The following B4GALT5 variants were observed in gnomAD, a reference collection of about 807,000 sequenced individuals.
B4GALT5 encodes UDP-Gal:beta-GlcNAc beta-1,4-galactosyltransferase 5.
A neutral mutation model predicts 45.0 loss-of-function variants in B4GALT5; 11 were observed. The ratio of observed to expected loss-of-function variants is 0.24; its 90% CI spans 0.15 to 0.40. The LOEUF (loss-of-function observed/expected upper bound fraction) is 0.40. B4GALT5 is among the 10% of genes least tolerant of loss of function. B4GALT5 has a pLI of 1.00. For synonymous variants in B4GALT5, 185 were observed against 182.9 expected, an observed-to-expected ratio of 1.01 and a Z score of -0.09; for missense variants, 337 against 500.2, an observed-to-expected ratio of 0.67 and a Z score of 3.11.
rs1311870554 is a variant in B4GALT5 at position 49,656,616 on chromosome 20, C to T, written c.202G>A (p.Val68Met). The change falls in exon 2 of 9, where the codon GTG becomes ATG. Residue 68 changes from valine (V) to methionine (M), a missense_variant. Val to Met is a conservative substitution (Grantham distance 21, BLOSUM62 1). Coordinates refer to ENST00000371711, the MANE Select transcript of B4GALT5 (RefSeq NM_004776.4). ...CTCTTGGCATAAGCACTCCGAAGCA[C>T]CTGCTCATAAACCTGAGCACCGATT... ...RTIGAQVYEQ[V>M]LRSAYAKRNS... 6.8e-6 allele frequency: 11 copies of T among 1,614,158 alleles called. No homozygotes were observed. Among genetic ancestry groups the T allele is most frequent in the Non-Finnish European group, 8.5e-6 (10 of 1,180,028 alleles).
chr20:49,640,332 G>A (rs1316174120), intron 6 of B4GALT5, 146 bp downstream of exon 6: 2 of 667,316 alleles, frequency 3.0e-6, no homozygotes, highest in Non-Finnish European at 4.7e-6. Context: ...CTGCCAAACA[G>A]TGCTCCAATT....
At position 49,641,870 on chromosome 20, in the gene B4GALT5, G is replaced by A. The variant is rs76117588; in HGVS notation, c.606+598C>T. ...TAATGTAAACATATAAAGTAGGCCC[G>A]GCAAGAGAAAACCACAGTAGGACAG... On this transcript the variant is annotated intron_variant, in intron 5 of 8. Coordinates refer to ENST00000371711, the MANE Select transcript of B4GALT5 (RefSeq NM_004776.4). 3.8e-3 allele frequency among the ~76,000 whole-genome samples: 585 copies of A among 152,092 alleles called. 1 individual carries two copies. Among genetic ancestry groups the A allele is most frequent in the Middle Eastern group, 0.01 (3 of 294 alleles).
intron 1 of B4GALT5, among the ~76,000 whole-genome samples, chr20:49,694,559 CCCAG>C (rs2085829831): frequency 6.6e-6 from 1 of 151,650 alleles, no homozygotes; most frequent in East Asian, 1.9e-4. Context: ...ATCACTTGGG[CCCAG>C]GAGGTAAAGG....
chr20:49,684,224 T>C (rs982901129), intron 1 of B4GALT5, among the ~76,000 whole-genome samples: 2 of 151,800 alleles, frequency 1.3e-5, no homozygotes, highest in Non-Finnish European at 2.9e-5. Context: ...GGGAGTCTTG[T>C]ATATGGTGAG....
chr20:49,646,191 A>G (rs1220827911), intron 3 of B4GALT5, among the ~76,000 whole-genome samples: 2 of 152,206 alleles, frequency 1.3e-5, no homozygotes, highest in South Asian at 2.1e-4. Context: ...GTAGAAAGGT[A>G]TAATAGTAAG....
At chr20:49,653,625 T>C (rs1247819072) in intron 2 of B4GALT5, among the ~76,000 whole-genome samples, 1 of 152,198 alleles carries the variant, frequency 6.6e-6, no homozygotes, top group East Asian at 1.9e-4. Context: ...CTTTTATCCC[T>C]ACAATGGGGA....
At position 49,639,690 on chromosome 20, in the gene B4GALT5, T is replaced by TCGTC; in HGVS notation, c.901_904dup (p.Asp302GlyfsTer20). On this transcript the variant is annotated frameshift_variant, in exon 7 of 9. Transcript: ENST00000371711. LOFTEE classifies it high-confidence loss of function. Reference sequence around the variant, plus strand: ...ACGGCAGAGGTACCTGTTCCAGAGGTCGTCATCTTCTCCACCCCAACCCCA... The same window carrying TCGTC: ...ACGGCAGAGGTACCTGTTCCAGAGGTCGTCCGTCATCTTCTCCACCCCAACCCCA... 2 of 1,613,438 alleles carry TCGTC rather than the reference T, an allele frequency of 1.2e-6. No individual in the cohort carries two copies. Among genetic ancestry groups the TCGTC allele is most frequent in the Non-Finnish European group, 1.7e-6 (2 of 1,179,572 alleles).
At position 49,635,452 on chromosome 20, in the gene B4GALT5, A is replaced by C. The variant is rs535684504; in HGVS notation, c.*860T>G. 6.9e-6 allele frequency: 1 copy of C among 145,156 alleles called. No homozygotes were observed. Among genetic ancestry groups the C allele is most frequent in the East Asian group, 2.0e-4 (1 of 4,942 alleles). The allele number at this position is 145,156 out of a possible 1,614,324, so 9.0% of individuals were successfully genotyped here. A position where few individuals can be genotyped will look rare whatever the true frequency, so the allele number is the denominator to read the frequency against. ...CAAGGGCAAGACTCGTGGGGGGGGG[A>C]AGAAAGGGACAGAAGCCAGCTCCCA... On this transcript the variant is annotated 3_prime_UTR_variant, in exon 9 of 9. Transcript: ENST00000371711.
At chr20:49,683,129 C>A (rs888181292) in intron 1 of B4GALT5, among the ~76,000 whole-genome samples, 4 of 151,664 alleles carry the variant, frequency 2.6e-5, no homozygotes, top group African/African-American at 9.7e-5. Context: ...CATAGAAGGA[C>A]GACATATGCT....
At chr20:49,689,572 T>C (rs1052482475) in intron 1 of B4GALT5, among the ~76,000 whole-genome samples, 1 of 152,256 alleles carries the variant, frequency 6.6e-6, no homozygotes, top group South Asian at 2.1e-4. Context: ...GATTCCACTA[T>C]TAACTTGCTT....
At chr20:49,699,927 G>T (rs4810980) in intron 1 of B4GALT5, among the ~76,000 whole-genome samples, 77,097 of 151,946 alleles carry the variant, frequency 0.51, 19,852 homozygotes, top group South Asian at 0.65. Flanking sequence ...TCCTCTGCCC[G>T]GTAAGTATAT....
At chr20:49,712,035 A>G (rs1483665273) in intron 1 of B4GALT5, among the ~76,000 whole-genome samples, 1 of 152,004 alleles carries the variant, frequency 6.6e-6, no homozygotes, top group Non-Finnish European at 1.5e-5. Context: ...CCCTGCCCCT[A>G]CCCCAGCAGC....
chr20:49,649,883 T>C (rs768816289), intron 2 of B4GALT5, among the ~76,000 whole-genome samples: 1 of 152,202 alleles, frequency 6.6e-6, no homozygotes, highest in Non-Finnish European at 1.5e-5. Flanking sequence ...GAAACATGTA[T>C]TGGCACAGTC....
At chr20:49,689,374 T>C (rs1262441621) in intron 1 of B4GALT5, among the ~76,000 whole-genome samples, 1 of 152,240 alleles carries the variant, frequency 6.6e-6, no homozygotes, top group East Asian at 1.9e-4. Context: ...AGTGGTGTGA[T>C]TCAATGGATC....
chr20:49,677,059 T>C (rs558890339), intron 1 of B4GALT5, among the ~76,000 whole-genome samples: 1 of 152,276 alleles, frequency 6.6e-6, no homozygotes, highest in East Asian at 1.9e-4. Context: ...TTTGCTGACT[T>C]CTTTGTTCTA....
intron 2 of B4GALT5, among the ~76,000 whole-genome samples, chr20:49,654,035 A>T (rs931980471): frequency 3.9e-5 from 6 of 152,328 alleles, no homozygotes; most frequent in African/African-American, 7.2e-5. Flanking sequence ...AAATGCCCAG[A>T]GAGACAGATA....
At chr20:49,713,344 G>A (rs1331464736) in intron 1 of B4GALT5, among the ~76,000 whole-genome samples, 1 of 151,878 alleles carries the variant, frequency 6.6e-6, no homozygotes, top group African/African-American at 2.4e-5. Context: ...GTGGCGTTAG[G>A]AGGGGCGGGG....
intron 1 of B4GALT5, among the ~76,000 whole-genome samples, chr20:49,686,701 G>A (rs1489332380): frequency 5.2e-5 from 6 of 115,174 alleles, no homozygotes; most frequent in Non-Finnish European, 8.2e-5. Flanking sequence ...TGTTGCATAG[G>A]CAACATAGCA....
At chr20:49,649,149 C>T (rs1032341730) in intron 2 of B4GALT5, among the ~76,000 whole-genome samples, 2 of 152,120 alleles carry the variant, frequency 1.3e-5, no homozygotes, top group African/African-American at 2.4e-5. Context: ...CAAAATTCAA[C>T]GAGAGGCAAC....
Sources: allele counts gnomAD v4.1 joint callset (sites outside exome capture counted in the v4.1 genomes callset), GRCh38; gene constraint gnomAD v4.1.1; transcripts MANE v1.5; gene names NCBI Gene and HGNC (gene_info 2026-07-23, HGNC 2026-07-21).